The following FNDC3A variants were observed in gnomAD, a reference collection of about 807,000 sequenced individuals.
The protein encoded by FNDC3A is fibronectin type-III domain-containing protein 3A.
Under a neutral mutation model 148.9 loss-of-function variants are expected in FNDC3A, and 32 were observed. That is an observed-to-expected ratio of 0.21 (90% confidence interval 0.16 to 0.29). The LOEUF is 0.29. FNDC3A is among the 10% of genes least tolerant of loss of function. The probability of loss-of-function intolerance (pLI) is 1.00; values close to 1 mark genes in which losing one functional copy is unlikely to be tolerated. For missense variants in FNDC3A, 1,191 were observed against 1,452.8 expected (o/e 0.82, Z 2.93); for synonymous variants, 472 against 473.6 (o/e 1.00, Z 0.04).
At chr13:49,050,499 G>A (rs1875756132) in intron 2 of FNDC3A, among the ~76,000 whole-genome samples, 1 of 152,194 alleles carries the variant, frequency 6.6e-6, no homozygotes, top group Non-Finnish European at 1.5e-5. Flanking sequence ...ACTGTGGTCT[G>A]AGAGAGTACT....
chr13:49,050,857 T>A (rs1014726798), intron 2 of FNDC3A, among the ~76,000 whole-genome samples: 1 of 152,178 alleles, frequency 6.6e-6, no homozygotes, highest in African/African-American at 2.4e-5. Context: ...AGAATTGTGA[T>A]GTTTTCCTTT....
intron 19 of FNDC3A, 70 bp downstream of exon 19, chr13:49,191,454 A>G (rs1885884170): frequency 1.5e-6 from 2 of 1,301,100 alleles, no homozygotes; most frequent in Non-Finnish European, 2.1e-6. Flanking sequence ...ATATATCATC[A>G]TATCCATTAT....
chr13:49,057,184 G>A (rs1283914389), intron 2 of FNDC3A, among the ~76,000 whole-genome samples: 4 of 152,190 alleles, frequency 2.6e-5, no homozygotes, highest in Non-Finnish European at 4.4e-5. Context: ...TCATTTGAAG[G>A]TAAATCAGTA....
rs201650054 is a variant in FNDC3A, at chr13:49,189,547, G to GT, written c.1944+924dup. On this transcript the variant is annotated intron_variant, in intron 17 of 25. Transcript: ENST00000492622. ...TTCTTGGATCATTCATAATTGCTGG[G>GT]TTTTTTTTTTGAAATGAAATTTAAT... Among the ~76,000 whole-genome samples, 1,221 of 148,234 alleles carry GT rather than the reference G, an allele frequency of 8.2e-3. 14 individuals are homozygous for GT. Among genetic ancestry groups the GT allele is most frequent in the African/African-American group, 0.025 (991 of 40,180 alleles).
chr13:49,019,324 G>T (rs894616846), intron 2 of FNDC3A, among the ~76,000 whole-genome samples: 1 of 152,244 alleles, frequency 6.6e-6, no homozygotes, highest in Non-Finnish European at 1.5e-5. Context: ...TTTTAAGCCC[G>T]TCGGAAAAGC....
At chr13:49,089,119 A>G (rs1566242353) in intron 3 of FNDC3A, among the ~76,000 whole-genome samples, 1 of 152,222 alleles carries the variant, frequency 6.6e-6, no homozygotes, top group African/African-American at 2.4e-5. Context: ...GATAGTGGTG[A>G]TAGTTGCACA....
At chr13:49,109,604 G>T (rs1158103770) in intron 3 of FNDC3A, among the ~76,000 whole-genome samples, 1 of 152,022 alleles carries the variant, frequency 6.6e-6, no homozygotes. Context: ...CTCCTTTCTG[G>T]TCTCTACTTG....
At chr13:49,027,394 T>A (rs1177259997) in intron 2 of FNDC3A, among the ~76,000 whole-genome samples, 1 of 152,148 alleles carries the variant, frequency 6.6e-6, no homozygotes, top group African/African-American at 2.4e-5. Context: ...CACAAGACAG[T>A]TGAGTAGATA....
At position 49,207,491 on chromosome 13, in the gene FNDC3A, A is replaced by C. The variant is rs755930983; in HGVS notation, c.*96A>C. 7.5e-6 allele frequency: 6 copies of C among 801,000 alleles called. No individual in the cohort carries two copies. Among genetic ancestry groups the C allele is most frequent in the Non-Finnish European group, 9.9e-6 (5 of 503,094 alleles). 49.6% of individuals were successfully genotyped at this position (801,000 alleles called of 1,614,324 possible). A position where few individuals can be genotyped will look rare whatever the true frequency, so the allele number is the denominator to read the frequency against. ...TTTATAAAAAACAGTGGCATTTAGC[A>C]CTGGCATTGAGACTATAGCACATCA... On this transcript the variant is annotated 3_prime_UTR_variant, in exon 26 of 26. Coordinates refer to ENST00000492622, the MANE Select transcript of FNDC3A (RefSeq NM_001079673.2).
intron 6 of FNDC3A, 115 bp from the exon 7 acceptor site, chr13:49,138,632 A>C: frequency 1.8e-6 from 1 of 557,214 alleles, no homozygotes; most frequent in Non-Finnish European, 3.2e-6. Flanking sequence ...AGGAATAAAA[A>C]CTAGAAAATA....
In FNDC3A at chr13:49,077,012, T is replaced by C. The variant is rs184289424; in HGVS notation, c.175+1648T>C. ...AAAAAGGGAAGACAAGTGCAGTGGG[T>C]CACACCTGTAATCCCAGTGCTTTGA... On this transcript the variant is annotated intron_variant, in intron 3 of 25. Transcript: ENST00000492622. Among the ~76,000 whole-genome samples the C allele has an allele frequency of 5.2e-3, 798 of 152,260 alleles. 6 individuals carry two copies. The highest frequency in any genetic ancestry group is 0.018 in the African/African-American group (762 of 41,552).
At chr13:49,204,668 C>CCA (rs1352104070) in intron 25 of FNDC3A, among the ~76,000 whole-genome samples, 1 of 152,098 alleles carries the variant, frequency 6.6e-6, no homozygotes, top group Non-Finnish European at 1.5e-5. Context: ...AATAGGGATT[C>CCA]CACATTTGAG....
chr13:49,081,284 T>C (rs1471041742), intron 3 of FNDC3A, among the ~76,000 whole-genome samples: 1 of 152,154 alleles, frequency 6.6e-6, no homozygotes, highest in African/African-American at 2.4e-5. Flanking sequence ...GAGAGAAAAT[T>C]ATGAAAAGCA....
intron 23 of FNDC3A, among the ~76,000 whole-genome samples, chr13:49,199,359 C>G (rs1186003286): frequency 2.1e-5 from 3 of 142,330 alleles, no homozygotes; most frequent in African/African-American, 8.1e-5. Flanking sequence ...GAGACGGAGT[C>G]TCACTCTCAC....
chr13:49,003,226 C>T (rs1213171494), intron 1 of FNDC3A, among the ~76,000 whole-genome samples: 1 of 152,084 alleles, frequency 6.6e-6, no homozygotes, highest in Non-Finnish European at 1.5e-5. Context: ...CCACCACACT[C>T]AGTTAATTTT....
intron 9 of FNDC3A, among the ~76,000 whole-genome samples, chr13:49,168,034 A>C (rs747646659): frequency 6.6e-6 from 1 of 152,202 alleles, no homozygotes; most frequent in Admixed American, 6.5e-5. Context: ...GTTTTACTCT[A>C]TGCAGGTCTT....
intron 2 of FNDC3A, among the ~76,000 whole-genome samples, chr13:49,024,053 G>A (rs4942798): frequency 0.62 from 93,991 of 151,662 alleles, 29,767 homozygotes; most frequent in Non-Finnish European, 0.68. Context: ...ACATCACAAC[G>A]GATACCACAG....
rs192821120 is a variant in FNDC3A, at chr13:49,048,034, A to G, written c.100-27255A>G. Among the ~76,000 whole-genome samples the G allele has an allele frequency of 2.5e-3, 376 of 152,110 alleles. 1 individual carries two copies. Among genetic ancestry groups the G allele is most frequent in the Non-Finnish European group, 3.9e-3 (262 of 67,980 alleles). ...CATGTGGCTTGCCAATTATTCCAAC[A>G]CTATTTGTTGAATAGGATGTCATTT... On this transcript the variant is annotated intron_variant, in intron 2 of 25. Coordinates refer to ENST00000492622, the MANE Select transcript of FNDC3A (RefSeq NM_001079673.2).
chr13:49,088,728 C>CT (rs1240023298), intron 3 of FNDC3A, among the ~76,000 whole-genome samples: 1 of 151,334 alleles, frequency 6.6e-6, no homozygotes, highest in Non-Finnish European at 1.5e-5. Flanking sequence ...GTCTTTTTTT[C>CT]TTTTTTTTCT....
Sources: allele counts gnomAD v4.1 joint callset (sites outside exome capture counted in the v4.1 genomes callset), GRCh38; gene constraint gnomAD v4.1.1; transcripts MANE v1.5; gene names NCBI Gene and HGNC (gene_info 2026-07-23, HGNC 2026-07-21).